Variants in PC observed in about 807,000 individuals in gnomAD.
PC encodes pyruvate carboxylase, also known as pyruvate carboxylase, mitochondrial.
A neutral mutation model predicts 107.8 loss-of-function variants in PC; 46 were observed. The observed-to-expected ratio is 0.43, with a 90% CI of 0.34 to 0.55. The LOEUF (loss-of-function observed/expected upper bound fraction) is 0.55. Ranked by LOEUF, PC falls within the 20% of genes least tolerant of loss-of-function variation. The pLI, the probability that PC is intolerant of heterozygous loss-of-function variation, is 0.04. For synonymous variants in PC, 662 were observed against 684.7 expected, an observed-to-expected ratio of 0.97 and a Z score of 0.52; for missense variants, 1,241 against 1,643.1, an observed-to-expected ratio of 0.76 and a Z score of 4.23.
chr11:66,886,916 G>C (rs1281296797), intron 3 of PC, among the ~76,000 whole-genome samples: 1 of 152,186 alleles, frequency 6.6e-6, no homozygotes, highest in Admixed American at 6.5e-5. Context: ...CACGGTGCAC[G>C]CCCCTGGCTT....
chr11:66,848,556 T>G lies in PC; in HGVS notation c.*343A>C. 1.7e-6 allele frequency: 1 copy of G among 593,640 alleles called. No homozygotes were observed. Among genetic ancestry groups the G allele is most frequent in the Non-Finnish European group, 3.0e-6 (1 of 333,730 alleles). 36.8% of individuals were successfully genotyped at this position (593,640 alleles called of 1,614,324 possible). On this transcript the variant is annotated 3_prime_UTR_variant, in exon 23 of 23. Coordinates refer to ENST00000393960, the MANE Select transcript of PC (RefSeq NM_001040716.2). ...GGAAAGCCAGCTTTATTGAGTAAAC[T>G]TCCCAGGACCTGGGACATCTTAGAT...
intron 12 of PC, among the ~76,000 whole-genome samples, chr11:66,863,122 A>C (rs1405800189): frequency 2.0e-5 from 3 of 152,170 alleles, no homozygotes; most frequent in Non-Finnish European, 2.9e-5. Flanking sequence ...CGGGTGGAAC[A>C]CCTGAGGTCA....
chr11:66,855,548 C>G (rs1261368793), intron 12 of PC, among the ~76,000 whole-genome samples: 2 of 152,230 alleles, frequency 1.3e-5, no homozygotes, highest in African/African-American at 2.4e-5. Flanking sequence ...ATCCACCCGC[C>G]TCGGCCTCCC....
chr11:66,892,103 G>T (rs1216445218), intron 3 of PC, among the ~76,000 whole-genome samples: 1 of 152,182 alleles, frequency 6.6e-6, no homozygotes, highest in Non-Finnish European at 1.5e-5. Context: ...ATAGGAAGAG[G>T]AAGGGGAAGG....
At chr11:66,934,134 C>T (rs888160795) in intron 3 of PC, among the ~76,000 whole-genome samples, 5 of 152,140 alleles carry the variant, frequency 3.3e-5, no homozygotes, top group Admixed American at 1.3e-4. Context: ...GGGGCACCCG[C>T]CTCCTACGAA....
chr11:66,866,394 G>C lies in PC; in HGVS notation c.1023-45C>G. ...GGGGGGAAAGGACGGGAGAAAGGGG[G>C]AAACATGAGGCGGGGGATAGACGAG... On this transcript the variant is annotated intron_variant, in intron 10 of 22. Coordinates refer to ENST00000393960, the MANE Select transcript of PC (RefSeq NM_001040716.2). This position sits in a 1 kb window ranked among gnomAD's most constrained non-coding sequence, Gnocchi z 5.4. The C allele has an allele frequency of 3.1e-5, 33 of 1,076,312 alleles. No individual in the cohort carries two copies. Among genetic ancestry groups the C allele is most frequent in the Non-Finnish European group, 4.3e-5 (31 of 728,548 alleles). The allele number at this position is 1,076,312 out of a possible 1,614,324, so 66.7% of individuals were successfully genotyped here.
In PC at chr11:66,851,239, C is replaced by CG; in HGVS notation, c.2023dup (p.Arg675ProfsTer4). 1 of 1,604,158 alleles carries CG rather than the reference C, an allele frequency of 6.2e-7. No homozygotes were observed. The highest frequency in any genetic ancestry group is 8.5e-7 in the Non-Finnish European group (1 of 1,179,962). ...CAAGTAGTTGAGGGAGTCAAACACA[C>CG]GGAAGACATCCATGCCATTCTCTTT... On this transcript the variant is annotated frameshift_variant, in exon 17 of 23. Transcript: ENST00000393960. LOFTEE classifies it high-confidence loss of function.
intron 11 of PC, among the ~76,000 whole-genome samples, chr11:66,864,746 C>T (rs1180631502): frequency 1.3e-5 from 2 of 152,208 alleles, no homozygotes; most frequent in East Asian, 1.9e-4. Context: ...GAGACAGAGG[C>T]GCCGACACTC....
At chr11:66,951,376 G>A (rs545737130) in intron 3 of PC, among the ~76,000 whole-genome samples, 48 of 152,228 alleles carry the variant, frequency 3.2e-4, no homozygotes, top group African/African-American at 1.1e-3. Flanking sequence ...GGGGACCGGC[G>A]GGAGGGCTGT....
intron 10 of PC, among the ~76,000 whole-genome samples, chr11:66,868,090 G>C (rs1302737173): frequency 6.6e-6 from 1 of 152,250 alleles, no homozygotes; most frequent in African/African-American, 2.4e-5. Flanking sequence ...CAGGGAGCAC[G>C]CTAGTGCCAC....
At position 66,850,095 on chromosome 11, in the gene PC, C is replaced by G; in HGVS notation, c.2740G>C (p.Val914Leu). ...ACCATAAACTGGGCCAGGTCCCCCACGATCTTGGAGGAGGGCGTCACCTGA... is the reference window on the plus strand; with the variant it reads ...ACCATAAACTGGGCCAGGTCCCCCAGGATCTTGGAGGAGGGCGTCACCTGA... Reference protein sequence around the residue: ...LIKVTPSSKIVGDLAQFMVQN... With the variant: ...LIKVTPSSKILGDLAQFMVQN... Residue 914 changes from valine (V) to leucine (L), a missense_variant, in exon 20 of 23, where the codon GTG (valine) becomes CTG (leucine). Around this residue, in one of 2 missense-constraint regions of PC, gnomAD observed 1,143 missense variants for 1,551.9 expected, o/e 0.74. Coordinates refer to ENST00000393960, the MANE Select transcript of PC (RefSeq NM_001040716.2). The G allele has an allele frequency of 3.7e-6, 6 of 1,613,716 alleles. No homozygotes were observed. Among genetic ancestry groups the G allele is most frequent in the Non-Finnish European group, 5.1e-6 (6 of 1,180,038 alleles).
At chr11:66,932,023 AAAAAAAAAAAAG>A (rs1186514981) in intron 3 of PC, among the ~76,000 whole-genome samples, 5 of 151,502 alleles carry the variant, frequency 3.3e-5, no homozygotes, top group South Asian at 2.1e-4. Flanking sequence ...TGTCTCAAAA[AAAAAAAAAAAAG>A]AAAAAGAAAA....
intron 3 of PC, among the ~76,000 whole-genome samples, chr11:66,911,387 T>A (rs2136071432): frequency 7.2e-6 from 1 of 139,704 alleles, no homozygotes; most frequent in East Asian, 2.1e-4. Context: ...CCAGGGATAA[T>A]AATTACCAGC....
In PC at chr11:66,868,737, A is replaced by G. The variant is rs572710612; in HGVS notation, c.1022+109T>C. ...CCTGGATCCCCATTGCTCTCCACCA[A>G]TGTGGGGAGTGAGCAAGCCCCCTGG... On this transcript the variant is annotated intron_variant, in intron 10 of 22. Transcript: ENST00000393960. 44 of 804,596 alleles carry G rather than the reference A, an allele frequency of 5.5e-5. No individual in the cohort carries two copies. The African/African-American group carries it at 6.0e-4, about 11-fold the overall frequency. 49.8% of individuals were successfully genotyped at this position (804,596 alleles called of 1,614,324 possible).
At chr11:66,873,147 C>T (rs544824406) in intron 3 of PC, among the ~76,000 whole-genome samples, 2 of 149,504 alleles carry the variant, frequency 1.3e-5, no homozygotes, top group South Asian at 4.2e-4. Flanking sequence ...TGAAACCCAC[C>T]TGGGCAACAT....
chr11:66,909,030 C>T (rs1257820411), intron 3 of PC, among the ~76,000 whole-genome samples: 1 of 152,206 alleles, frequency 6.6e-6, no homozygotes, highest in East Asian at 1.9e-4. Context: ...GGGGCCCTAT[C>T]TGGGAATAAA....
At chr11:66,916,053 CT>C in intron 3 of PC, among the ~76,000 whole-genome samples, 1 of 152,350 alleles carries the variant, frequency 6.6e-6, no homozygotes, top group East Asian at 1.9e-4. Flanking sequence ...TCAGCCACTG[CT>C]TCTGCTGGAA....
intron 3 of PC, among the ~76,000 whole-genome samples, chr11:66,950,359 A>G (rs1370798119): frequency 6.6e-6 from 1 of 152,246 alleles, no homozygotes; most frequent in Non-Finnish European, 1.5e-5. Flanking sequence ...ATGTACTCCC[A>G]GCTGTCCCGT....
intron 10 of PC, among the ~76,000 whole-genome samples, chr11:66,868,489 G>C (rs1226831846): frequency 6.6e-6 from 1 of 152,180 alleles, no homozygotes; most frequent in Non-Finnish European, 1.5e-5. Flanking sequence ...AAGACAGCCG[G>C]AGATGCCTGG....
Sources: allele counts gnomAD v4.1 joint callset (sites outside exome capture counted in the v4.1 genomes callset), GRCh38; gene constraint gnomAD v4.1.1; regional missense constraint gnomAD v4.1.1; non-coding constraint Gnocchi (gnomAD v3.1); transcripts MANE v1.5; gene names NCBI Gene and HGNC (gene_info 2026-07-23, HGNC 2026-07-21).